RBFOX1: variants seen among roughly 807,000 people sequenced by gnomAD.
RBFOX1 encodes the protein RNA binding protein fox-1 homolog 1.
Under a neutral mutation model 57.7 loss-of-function variants are expected in RBFOX1, and 8 were observed. The observed-to-expected ratio is 0.14, with a 90% CI of 0.08 to 0.25. The LOEUF (loss-of-function observed/expected upper bound fraction) is 0.25, where lower values mean the gene tolerates loss of function less well. RBFOX1 is among the 10% of genes least tolerant of loss of function. The pLI, the probability that RBFOX1 is intolerant of heterozygous loss-of-function variation, is 1.00. For missense variants in RBFOX1, 611 were observed against 548.5 expected, an observed-to-expected ratio of 1.11 and a Z score of -1.14; for synonymous variants, 326 against 222.4, an observed-to-expected ratio of 1.47 and a Z score of -4.15.
intron 1 of RBFOX1, among the ~76,000 whole-genome samples, chr16:6,223,423 GT>G (rs71142700): frequency 0.13 from 19,776 of 151,116 alleles, 1,643 homozygotes; most frequent in Non-Finnish European, 0.19. Context: ...TCTCATTGTG[GT>G]TTTGATTTGC....
At chr16:6,908,544 C>T (rs575678852) in intron 3 of RBFOX1, among the ~76,000 whole-genome samples, 1 of 152,210 alleles carries the variant, frequency 6.6e-6, no homozygotes, top group African/African-American at 2.4e-5. Context: ...ACCTCCCAAA[C>T]TACTTTTCAG....
At chr16:5,332,967 C>T (rs2064796150) in intron 1 of RBFOX1, among the ~76,000 whole-genome samples, 1 of 152,244 alleles carries the variant, frequency 6.6e-6, no homozygotes, top group South Asian at 2.1e-4. Context: ...GGGCGGATCA[C>T]CTGAGGTCAG....
At chr16:7,194,186 C>G (rs995363395) in intron 4 of RBFOX1, among the ~76,000 whole-genome samples, 45 of 152,172 alleles carry the variant, frequency 3.0e-4, no homozygotes, top group Non-Finnish European at 5.3e-4. Context: ...TTTGTGATCT[C>G]TGTTTTTAGT....
Position 6,784,780 on chromosome 16 carries a change from C to A in RBFOX1, c.-16+130130C>A, listed in dbSNP as rs550304499. The stretch of plus-strand genomic sequence containing the variant: ...GGTCGGGGGTTGTGGGGAAGTAAAT[C>A]CCTGGAATTTTCTATTTAGCCATCT... On this transcript the variant is annotated intron_variant, in intron 3 of 15. Coordinates refer to ENST00000550418, the MANE Select transcript of RBFOX1 (RefSeq NM_018723.4). Among the ~76,000 whole-genome samples the A allele has an allele frequency of 4.6e-5, 7 of 151,702 alleles. No individual in the cohort carries two copies. In the East Asian group the frequency reaches 9.7e-4, roughly 21 times the overall value.
chr16:6,693,948 A>G (rs1181454262), intron 3 of RBFOX1, among the ~76,000 whole-genome samples: 3 of 152,224 alleles, frequency 2.0e-5, no homozygotes, highest in African/African-American at 7.2e-5. Flanking sequence ...AGACACTATT[A>G]TTTCTCCTAT....
At position 5,751,735 on chromosome 16, in the gene RBFOX1, A is replaced by G. The variant is rs187042390; in HGVS notation, c.319-115568A>G. ...ATATCCACTATTGCAATTAAGTAAG[A>G]GAACTGACTCCAAATTGAGATGGTT... On this transcript the variant is annotated intron_variant, in intron 3 of 19. Coordinates refer to the RBFOX1 transcript ENST00000641259. Among the ~76,000 whole-genome samples the G allele has an allele frequency of 1.5e-3, 221 of 152,332 alleles. 2 individuals carry two copies. Among genetic ancestry groups the G allele is most frequent in the African/African-American group, 5.2e-3 (218 of 41,582 alleles).
At chr16:6,552,882 C>T (rs1424523583) in intron 2 of RBFOX1, among the ~76,000 whole-genome samples, 4 of 151,824 alleles carry the variant, frequency 2.6e-5, no homozygotes, top group African/African-American at 9.7e-5. Flanking sequence ...TTGTGTTATA[C>T]ATAATATAAC....
intron 3 of RBFOX1, among the ~76,000 whole-genome samples, chr16:6,977,930 C>T (rs1391679798): frequency 1.9e-5 from 1 of 51,850 alleles, no homozygotes; most frequent in Non-Finnish European, 3.2e-5. Flanking sequence ...CTTCCAGCCT[C>T]CCCAGGGAAA....
At chr16:6,101,818 A>G (rs1053369298) in intron 1 of RBFOX1, among the ~76,000 whole-genome samples, 1 of 152,174 alleles carries the variant, frequency 6.6e-6, no homozygotes, top group African/African-American at 2.4e-5. Flanking sequence ...AATCCTGCAC[A>G]TATCCACAGC....
intron 1 of RBFOX1, among the ~76,000 whole-genome samples, chr16:6,131,920 T>A (rs1169685298): frequency 6.6e-6 from 1 of 152,234 alleles, no homozygotes; most frequent in East Asian, 1.9e-4. Flanking sequence ...ACACTTTGTA[T>A]GCACGTCTGG....
At chr16:5,581,609 G>C (rs2046668764) in intron 2 of RBFOX1, among the ~76,000 whole-genome samples, 2 of 152,228 alleles carry the variant, frequency 1.3e-5, no homozygotes, top group South Asian at 4.1e-4. Flanking sequence ...ATCAGGGAAG[G>C]CTTCCTGGAG....
intron 3 of RBFOX1, among the ~76,000 whole-genome samples, chr16:6,859,164 C>A (rs1490200638): frequency 4.9e-5 from 4 of 81,122 alleles, no homozygotes; most frequent in Non-Finnish European, 4.4e-5. Context: ...TATATATATA[C>A]GTATATATAT....
chr16:5,350,881 A>G (rs1049724647), intron 1 of RBFOX1, among the ~76,000 whole-genome samples: 3 of 145,194 alleles, frequency 2.1e-5, no homozygotes, highest in Admixed American at 1.3e-4. Flanking sequence ...AATCATAATC[A>G]TAATCATAAT....
intron 1 of RBFOX1, among the ~76,000 whole-genome samples, chr16:6,191,280 C>G (rs2097140165): frequency 6.6e-6 from 1 of 151,952 alleles, no homozygotes; most frequent in Admixed American, 6.6e-5. Flanking sequence ...TTGTCTTCTC[C>G]CTGTCATAGT....
chr16:6,072,566 A>G (rs2095849934), intron 1 of RBFOX1, among the ~76,000 whole-genome samples: 1 of 151,672 alleles, frequency 6.6e-6, no homozygotes, highest in Non-Finnish European at 1.5e-5. Flanking sequence ...TCTACATTCT[A>G]TTCAGCAATG....
chr16:6,253,981 G>A lies in RBFOX1; in HGVS notation c.-126-63014G>A, dbSNP rs80272884. On this transcript the variant is annotated intron_variant, in intron 1 of 15. Transcript: ENST00000550418. ...TCAAGTAGGACAGAACTCTTATAAA[G>A]AACCAGGGAACAAAGGTTCCATGAC... Among the ~76,000 whole-genome samples the A allele has an allele frequency of 2.2e-3, 336 of 152,190 alleles. 3 individuals are homozygous for A. The highest frequency in any genetic ancestry group is 7.9e-3 in the African/African-American group (327 of 41,540).
At chr16:6,525,841 C>T (rs1319346555) in intron 2 of RBFOX1, among the ~76,000 whole-genome samples, 1 of 152,014 alleles carries the variant, frequency 6.6e-6, no homozygotes, top group Non-Finnish European at 1.5e-5. Flanking sequence ...AAAGGCAATT[C>T]ACAACTAAGT....
chr16:7,542,625 C>T (rs62009893), intron 5 of RBFOX1, among the ~76,000 whole-genome samples: 17,865 of 140,478 alleles, frequency 0.13, 1,109 homozygotes, highest in African/African-American at 0.17. Flanking sequence ...GAGGCCAAGG[C>T]GGGTGGATCA....
At chr16:6,754,622 A>G (rs1237675489) in intron 3 of RBFOX1, among the ~76,000 whole-genome samples, 2 of 152,112 alleles carry the variant, frequency 1.3e-5, no homozygotes, top group Non-Finnish European at 2.9e-5. Flanking sequence ...ATTTTTCAGG[A>G]GCACACTTTT....
Sources: gnomAD v4.1 joint callset for allele counts (sites outside exome capture counted in the v4.1 genomes callset) on GRCh38, gnomAD v4.1.1 for gene constraint, MANE v1.5 for transcripts, NCBI Gene and HGNC (gene_info 2026-07-23, HGNC 2026-07-21) for gene names.